SHANK2: variants seen among roughly 807,000 people sequenced by gnomAD.
SHANK2 encodes SH3 and multiple ankyrin repeat domains protein 2.
A neutral mutation model predicts 133.7 loss-of-function variants in SHANK2; 43 were observed. The observed-to-expected ratio is 0.32, with a 90% confidence interval of 0.25 to 0.41. The LOEUF (loss-of-function observed/expected upper bound fraction) is 0.41. Among genes scored for constraint, SHANK2 ranks in the 10% least tolerant of loss-of-function variants. SHANK2 has a pLI of 1.00. For synonymous variants in SHANK2, 1,017 were observed against 952.8 expected (o/e 1.07, Z -1.24); for missense variants, 1,994 against 2,235.8 (o/e 0.89, Z 2.18).
chr11:70,572,742 G>A (rs534016639), intron 17 of SHANK2, among the ~76,000 whole-genome samples: 2 of 152,162 alleles, frequency 1.3e-5, no homozygotes, highest in Non-Finnish European at 2.9e-5. Context: ...TGAAAAAGAC[G>A]GCACACACCA....
At chr11:70,721,569 A>G (rs781919103) in intron 14 of SHANK2, among the ~76,000 whole-genome samples, 1 of 152,160 alleles carries the variant, frequency 6.6e-6, no homozygotes, top group Non-Finnish European at 1.5e-5. Context: ...TCAGGGCACC[A>G]CTTTGTGAGC....
rs1450853821 is a variant in SHANK2, at chr11:70,639,279, C to T, written c.2061+20549G>A. ...TCCATCAGGCCTTTGCTCAGGGTGC[C>T]GTAGCAAAATGCCACAAACTGGTGG... On this transcript the variant is annotated intron_variant, in intron 17 of 25. Transcript: ENST00000601538. Among the ~76,000 whole-genome samples the T allele has an allele frequency of 4.6e-5, 7 of 152,110 alleles. No homozygotes were observed. The East Asian group carries it at 7.8e-4, about 17-fold the overall frequency.
At chr11:71,151,946 C>T (rs12290770) in intron 2 of SHANK2, among the ~76,000 whole-genome samples, 9,754 of 152,132 alleles carry the variant, frequency 0.064, 673 homozygotes, top group African/African-American at 0.17. Context: ...ACGAAGGGGG[C>T]GATGCTGGCA....
intron 17 of SHANK2, among the ~76,000 whole-genome samples, chr11:70,609,076 G>A (rs1340537105): frequency 6.6e-6 from 1 of 152,266 alleles, no homozygotes; most frequent in Non-Finnish European, 1.5e-5. Context: ...CCAGCCACGT[G>A]GAGCTGCAGC....
At chr11:70,822,835 G>A (rs11237614) in intron 11 of SHANK2, among the ~76,000 whole-genome samples, 1 of 80,758 alleles carries the variant, frequency 1.2e-5, no homozygotes, top group Non-Finnish European at 2.8e-5. Context: ...CAGAGCTCAT[G>A]GGGGTCAGAG....
chr11:70,491,723 G>A (rs12273478), intron 22 of SHANK2, among the ~76,000 whole-genome samples: 9,048 of 152,240 alleles, frequency 0.059, 591 homozygotes, highest in African/African-American at 0.16. Flanking sequence ...AGGAGGCCAC[G>A]CCTTGTTCAG....
intron 12 of SHANK2, among the ~76,000 whole-genome samples, chr11:70,813,497 G>T (rs1403150847): frequency 6.6e-6 from 1 of 152,092 alleles, no homozygotes; most frequent in Admixed American, 6.5e-5. Context: ...CTGATGTGTA[G>T]AATTGTGAGA....
chr11:70,661,500 TACACACACACACACACACAC>T lies in SHANK2; in HGVS notation c.1936+76_1936+95del, dbSNP rs3837380. On this transcript the variant is annotated intron_variant, in intron 16 of 25. Transcript: ENST00000601538. ...GGGGAACGTTTTTCATGCAGGCGTA[TACACACACACACACACACAC>T]ACACACACACACACACACACACACA... 4,965 of 1,063,836 alleles carry T rather than the reference TACACACACACACACACACAC, an allele frequency of 4.7e-3. 58 individuals carry two copies. The highest frequency in any genetic ancestry group is 0.041 in the African/African-American group (2,249 of 54,922). 65.9% of individuals were successfully genotyped at this position (1,063,836 alleles called of 1,614,324 possible). A position where few individuals can be genotyped will look rare whatever the true frequency, so the allele number is the denominator to read the frequency against.
At chr11:71,179,676 T>G (rs1953516665) in intron 2 of SHANK2, among the ~76,000 whole-genome samples, 1 of 152,204 alleles carries the variant, frequency 6.6e-6, no homozygotes, top group African/African-American at 2.4e-5. Context: ...ATTGTCCCCA[T>G]AGAAAATCCA....
In SHANK2 at chr11:70,490,354, T is replaced by G. The variant is rs1170467000; in HGVS notation, c.2473A>C (p.Thr825Pro). Residue 825 changes from threonine (T) to proline (P), a missense_variant, in exon 23 of 26, where the codon ACG (threonine) becomes CCG (proline). Around this residue, in one of 5 missense-constraint regions of SHANK2, gnomAD observed 488 missense variants for 642.6 expected, o/e 0.76. Transcript: ENST00000601538. ...TTTGGGCTCCCAGGAACAGTGGGCGTCATCACGGCGATTCCTTGGCGTTCG... is the reference window on the plus strand; with the variant it reads ...TTTGGGCTCCCAGGAACAGTGGGCGGCATCACGGCGATTCCTTGGCGTTCG... Reference protein sequence around the residue: ...VYERQGIAVMTPTVPGSPKAP... With the variant: ...VYERQGIAVMPPTVPGSPKAP... The G allele has an allele frequency of 1.2e-6, 2 of 1,614,144 alleles. No homozygotes were observed. Among genetic ancestry groups the G allele is most frequent in the East Asian group, 4.5e-5 (2 of 44,880 alleles).
At chr11:70,839,891 G>A (rs1555061116) in intron 11 of SHANK2, among the ~76,000 whole-genome samples, 1 of 152,174 alleles carries the variant, frequency 6.6e-6, no homozygotes, top group East Asian at 1.9e-4. Flanking sequence ...TCCCAGGGCC[G>A]AGCTGGCAGC....
intron 11 of SHANK2, among the ~76,000 whole-genome samples, chr11:70,880,914 G>A (rs1233624181): frequency 6.6e-6 from 1 of 152,224 alleles, no homozygotes; most frequent in East Asian, 1.9e-4. Flanking sequence ...TGAGTCATGA[G>A]ACTAAGCAGG....
intron 14 of SHANK2, among the ~76,000 whole-genome samples, chr11:70,724,771 G>A (rs1013715558): frequency 2.6e-5 from 4 of 152,210 alleles, no homozygotes; most frequent in Non-Finnish European, 5.9e-5. Flanking sequence ...GCAGGAAGAC[G>A]CTAACTCTGC....
chr11:70,549,405 TC>T (rs1237257933), intron 17 of SHANK2, among the ~76,000 whole-genome samples: 1 of 152,086 alleles, frequency 6.6e-6, no homozygotes, highest in Non-Finnish European at 1.5e-5. Flanking sequence ...AAAAATAAGC[TC>T]CCGATGGCCG....
At chr11:70,695,002 A>G (rs1945362633) in intron 15 of SHANK2, among the ~76,000 whole-genome samples, 1 of 152,164 alleles carries the variant, frequency 6.6e-6, no homozygotes, top group Admixed American at 6.5e-5. Flanking sequence ...CCCTCAGGCT[A>G]ACCCTGCACC....
At chr11:70,798,151 C>T (rs576761632) in intron 14 of SHANK2, among the ~76,000 whole-genome samples, 1 of 152,272 alleles carries the variant, frequency 6.6e-6, no homozygotes, top group East Asian at 1.9e-4. Context: ...TAATCAACCC[C>T]CAAAAGTCTC....
chr11:70,660,233 G>A (rs899576291), intron 16 of SHANK2, among the ~76,000 whole-genome samples: 15 of 152,212 alleles, frequency 9.9e-5, no homozygotes, highest in African/African-American at 2.9e-4. Context: ...ATGTCTACAC[G>A]CCTGTCATTT....
At chr11:70,692,153 C>T (rs1259221255) in intron 15 of SHANK2, among the ~76,000 whole-genome samples, 1 of 152,036 alleles carries the variant, frequency 6.6e-6, no homozygotes, top group East Asian at 1.9e-4. Context: ...TATAAAAATA[C>T]AAAATAATGG....
intron 6 of SHANK2, among the ~76,000 whole-genome samples, chr11:71,106,158 C>T (rs1005006122): frequency 2.6e-5 from 4 of 152,232 alleles, no homozygotes; most frequent in Non-Finnish European, 4.4e-5. Context: ...ATCAGCTCTG[C>T]TCATTTCACA....
Sources: gnomAD v4.1 joint callset for allele counts (sites outside exome capture counted in the v4.1 genomes callset) on GRCh38, gnomAD v4.1.1 for gene constraint, gnomAD v4.1.1 regional missense constraint, MANE v1.5 for transcripts, NCBI Gene and HGNC (gene_info 2026-07-23, HGNC 2026-07-21) for gene names.